Variants in CACHD1 observed in about 807,000 individuals in gnomAD.
The protein encoded by CACHD1 is cache domain containing 1.
Under a neutral mutation model 138.7 loss-of-function variants are expected in CACHD1, and 71 were observed. That is an observed-to-expected ratio of 0.51 (90% CI 0.42 to 0.62). The LOEUF is 0.62. Ranked by LOEUF, CACHD1 falls within the 20% of genes least tolerant of loss-of-function variation. CACHD1 has a pLI of 0.00. For synonymous variants in CACHD1, 578 were observed against 591.5 expected (o/e 0.98, Z 0.33); for missense variants, 1,389 against 1,625.3 (o/e 0.85, Z 2.50).
At chr1:64,517,097 A>G (rs967714092) in intron 1 of CACHD1, among the ~76,000 whole-genome samples, 1 of 152,230 alleles carries the variant, frequency 6.6e-6, no homozygotes, top group Non-Finnish European at 1.5e-5. Context: ...TGTGTGAGAC[A>G]TAGTAGGTAC....
chr1:64,472,090 G>C lies in CACHD1; in HGVS notation c.198+1148G>C, dbSNP rs893039044. Among the ~76,000 whole-genome samples the C allele has an allele frequency of 6.0e-4, 92 of 152,252 alleles. 1 individual carries two copies. The Middle Eastern group carries it at 0.017, about 28-fold the overall frequency. ...TTCCAAGAATGCGTTCTTGGAATAG[G>C]TTTCTGATTTCCATCCTACTGTGAC... On this transcript the variant is annotated intron_variant, in intron 1 of 26. Coordinates refer to ENST00000651257, the MANE Select transcript of CACHD1 (RefSeq NM_020925.4).
At chr1:64,527,614 T>G (rs998511977) in intron 1 of CACHD1, among the ~76,000 whole-genome samples, 2 of 152,238 alleles carry the variant, frequency 1.3e-5, no homozygotes, top group Admixed American at 6.5e-5. Flanking sequence ...CTTCCTTTTG[T>G]TTATAACTTC....
chr1:64,678,411 T>G, intron 23 of CACHD1, 101 bp downstream of exon 23: 1 of 1,209,964 alleles, frequency 8.3e-7, no homozygotes, highest in South Asian at 2.0e-5. Context: ...ACTTCCCTGA[T>G]TCCTTTGCTG....
intron 22 of CACHD1, among the ~76,000 whole-genome samples, chr1:64,677,744 A>G (rs1377162844): frequency 6.6e-6 from 1 of 152,200 alleles, no homozygotes; most frequent in Non-Finnish European, 1.5e-5. Flanking sequence ...ATTGGCAGTG[A>G]GGAAACCTGT....
intron 12 of CACHD1, among the ~76,000 whole-genome samples, chr1:64,655,194 G>T (rs1204203695): frequency 6.6e-6 from 1 of 152,162 alleles, no homozygotes; most frequent in African/African-American, 2.4e-5. Context: ...TTAAGCCTGA[G>T]AGGTTGAAGC....
chr1:64,606,121 A>G (rs1033731851), intron 4 of CACHD1, among the ~76,000 whole-genome samples: 2 of 151,916 alleles, frequency 1.3e-5, no homozygotes, highest in African/African-American at 2.4e-5. Flanking sequence ...ACACACACAC[A>G]CACACACACG....
chr1:64,625,807 A>G (rs1360378796), intron 4 of CACHD1, among the ~76,000 whole-genome samples: 3 of 152,194 alleles, frequency 2.0e-5, no homozygotes, highest in East Asian at 1.9e-4. Flanking sequence ...CTAAATGTCT[A>G]TGGATTTTGC....
chr1:64,475,101 T>C (rs1356786622), intron 1 of CACHD1, among the ~76,000 whole-genome samples: 2 of 151,774 alleles, frequency 1.3e-5, no homozygotes, highest in African/African-American at 4.8e-5. Context: ...TTGTAAATAC[T>C]GACTACAGCT....
chr1:64,639,548 A>T (rs4915674), intron 7 of CACHD1, among the ~76,000 whole-genome samples: 11,360 of 152,324 alleles, frequency 0.075, 469 homozygotes, highest in Non-Finnish European at 0.083. Flanking sequence ...AAGTATTAGG[A>T]GTAAATAAGA....
intron 15 of CACHD1, among the ~76,000 whole-genome samples, chr1:64,665,447 G>A (rs376156866): frequency 8.6e-5 from 13 of 150,740 alleles, no homozygotes; most frequent in African/African-American, 3.2e-4. Flanking sequence ...GCGATAGAAT[G>A]AGACCCTGTC....
At chr1:64,618,058 C>T (rs1402916086) in intron 4 of CACHD1, among the ~76,000 whole-genome samples, 3 of 139,446 alleles carry the variant, frequency 2.2e-5, no homozygotes, top group Non-Finnish European at 4.6e-5. Context: ...CCAGCTTGGG[C>T]AACAAGAGTG....
chr1:64,660,069 G>T (rs1367296230), intron 13 of CACHD1, among the ~76,000 whole-genome samples: 2 of 152,106 alleles, frequency 1.3e-5, no homozygotes, highest in Non-Finnish European at 2.9e-5. Context: ...TCTTTGTTTT[G>T]ATTTGGTCTT....
At chr1:64,498,041 T>G (rs1365477483) in intron 1 of CACHD1, among the ~76,000 whole-genome samples, 1 of 152,146 alleles carries the variant, frequency 6.6e-6, no homozygotes, top group Non-Finnish European at 1.5e-5. Flanking sequence ...TCAGGAGAAT[T>G]GCTTGAACCC....
intron 25 of CACHD1, 75 bp downstream of exon 25, chr1:64,681,410 CT>C: frequency 1.7e-6 from 2 of 1,194,570 alleles, no homozygotes; most frequent in South Asian, 1.4e-5. Flanking sequence ...TTCTTATATC[CT>C]TTTGGCTTGT....
chr1:64,589,593 C>G (rs931890250), intron 3 of CACHD1, among the ~76,000 whole-genome samples: 2 of 151,896 alleles, frequency 1.3e-5, no homozygotes, highest in Non-Finnish European at 2.9e-5. Context: ...GCTGGAGACT[C>G]AAAGGAGAGT....
chr1:64,679,830 T>G, intron 24 of CACHD1, 74 bp downstream of exon 24: 1 of 1,518,810 alleles, frequency 6.6e-7, no homozygotes, highest in Non-Finnish European at 8.9e-7. Context: ...TGTAAGCCTC[T>G]AAGGAACTGT....
chr1:64,596,806 A>G (rs1647156602), intron 3 of CACHD1, among the ~76,000 whole-genome samples: 1 of 152,180 alleles, frequency 6.6e-6, no homozygotes, highest in Non-Finnish European at 1.5e-5. Context: ...CTATCATTAC[A>G]TTGGCTTTGT....
At chr1:64,561,358 C>T (rs1286720988) in intron 2 of CACHD1, among the ~76,000 whole-genome samples, 1 of 151,936 alleles carries the variant, frequency 6.6e-6, no homozygotes. Context: ...AATGTTATAG[C>T]TTTTGCTCTA....
chr1:64,629,284 A>G lies in CACHD1; in HGVS notation c.518-71A>G, dbSNP rs1648218508. The G allele has an allele frequency of 2.6e-6, 4 of 1,520,290 alleles. No individual in the cohort carries two copies. In the Admixed American group the frequency reaches 5.6e-5, roughly 21 times the overall value. 94.2% of individuals were successfully genotyped at this position (1,520,290 alleles called of 1,614,324 possible). On this transcript the variant is annotated intron_variant, in intron 4 of 26. Transcript: ENST00000651257. ...ACTAGAAGCAGTTTATGCAAAACAG[A>G]TGCCTGAGGAGCAGTGCCTGCATGC...
Sources: allele counts gnomAD v4.1 joint callset (sites outside exome capture counted in the v4.1 genomes callset), GRCh38; gene constraint gnomAD v4.1.1; transcripts MANE v1.5; gene names NCBI Gene and HGNC (gene_info 2026-07-23, HGNC 2026-07-21).